The following OGN variants were observed in gnomAD, a reference collection of about 807,000 sequenced individuals.
OGN encodes osteoglycin.
In OGN, 19 loss-of-function variants were observed where a neutral mutation model predicts 30.8. The observed-to-expected ratio is 0.62, with a 90% CI of 0.43 to 0.90. OGN has a LOEUF of 0.90. Ranked by LOEUF, OGN falls within the 40% of genes least tolerant of loss-of-function variation. The probability of loss-of-function intolerance (pLI) is 0.00; values close to 1 mark genes in which losing one functional copy is unlikely to be tolerated. For missense variants in OGN, 283 were observed against 349.7 expected, an observed-to-expected ratio of 0.81 and a Z score of 1.52; for synonymous variants, 126 against 128.3, an observed-to-expected ratio of 0.98 and a Z score of 0.12.
At position 92,385,685 on chromosome 9, in the gene OGN, C is replaced by A; in HGVS notation, c.832G>T (p.Val278Phe). 1 of 1,614,070 alleles carries A rather than the reference C, an allele frequency of 6.2e-7. No individual in the cohort carries two copies. Among genetic ancestry groups the A allele is most frequent in the Non-Finnish European group, 8.5e-7 (1 of 1,179,976 alleles). ...AAACTGTTTGGATGCTTTCCCAGGA[C>A]GATTGGATTGCCCTCCAGGCGTATC... ...EEIRLEGNPI[V>F]LGKHPNSFIC... The change falls in exon 7 of 7, where the codon GTC (valine) becomes TTC (phenylalanine). Residue 278 changes from valine (V) to phenylalanine (F), a missense_variant. Transcript: ENST00000375561.
At chr9:92,391,774 A>G (rs1340439191) in intron 4 of OGN, among the ~76,000 whole-genome samples, 2 of 152,232 alleles carry the variant, frequency 1.3e-5, no homozygotes, top group African/African-American at 4.8e-5. Context: ...GGGAATGTGC[A>G]TGTCAAGTAA....
chr9:92,396,667 C>T (rs866082897), intron 3 of OGN, among the ~76,000 whole-genome samples: 2 of 151,412 alleles, frequency 1.3e-5, no homozygotes, highest in African/African-American at 2.4e-5. Flanking sequence ...TGGGCTCAAG[C>T]GATCCTCCTG....
At chr9:92,403,196 G>C in intron 2 of OGN, 38 bp downstream of exon 2, 1 of 1,390,324 alleles carries the variant, frequency 7.2e-7, no homozygotes, top group Non-Finnish European at 9.9e-7. Flanking sequence ...TAAATGGGCA[G>C]TATTTTAGAA....
rs1564292817 is a variant in OGN at position 92,390,071 on chromosome 9, A to T, written c.428-15T>A. 6.9e-7 allele frequency: 1 copy of T among 1,455,548 alleles called. No individual in the cohort carries two copies. The allele number at this position is 1,455,548 out of a possible 1,614,324, so 90.2% of individuals were successfully genotyped here. A position where few individuals can be genotyped will look rare whatever the true frequency, so the allele number is the denominator to read the frequency against. ...TCTTAAGTTAGCTAGAGGGAAAAAA[A>T]TATAAAAAACAACTACGTAAGTAAA... On this transcript the variant is annotated splice_polypyrimidine_tract_variant and intron_variant, in intron 4 of 6. Transcript: ENST00000375561.
At chr9:92,386,441 G>A (rs191790003) in intron 5 of OGN, 145 bp from the exon 6 acceptor site, 263 of 583,106 alleles carry the variant, frequency 4.5e-4, no homozygotes, top group African/African-American at 4.3e-3. Flanking sequence ...TCAATTGTTC[G>A]TATGGTAGTT....
chr9:92,385,740 G>A lies in OGN; in HGVS notation c.777C>T (p.Asp259=), dbSNP rs1842392385. 1 of 1,614,092 alleles carries A rather than the reference G, an allele frequency of 6.2e-7. No homozygotes were observed. The highest frequency in any genetic ancestry group is 8.5e-7 in the Non-Finnish European group (1 of 1,179,996). ...ITDDTFCKAN[D]TSYIRDRIEE... is the part of the protein sequence containing the mutation. ...CAATGCGGTCCCGGATGTAACTGGT[G>A]TCATTAGCCTTGCAGAATGTGTCAT... The change falls in exon 7 of 7, where the codon GAC becomes GAT. Residue 259 remains aspartate, a synonymous_variant. Transcript: ENST00000375561.
intron 2 of OGN, among the ~76,000 whole-genome samples, chr9:92,402,147 A>G (rs780391007): frequency 1.8e-4 from 27 of 152,242 alleles, no homozygotes; most frequent in Non-Finnish European, 3.1e-4. Flanking sequence ...AATAGATTCA[A>G]ATCATCCAAG....
In OGN at chr9:92,403,313, T is replaced by A; in HGVS notation, c.95A>T (p.Asp32Val). 6.2e-7 allele frequency: 1 copy of A among 1,612,822 alleles called. No homozygotes were observed. Residue 32 changes from aspartate to valine, a missense_variant, in exon 2 of 7, where the codon GAT becomes GTT. Asp to Val is a radical substitution (Grantham distance 152, BLOSUM62 -3). Transcript: ENST00000375561. Reference protein sequence around the residue: ...PTQQDSRIIYDYGTDNFEESI... With the variant: ...PTQQDSRIIYVYGTDNFEESI... The stretch of plus-strand genomic sequence containing the variant: ...TTCTTCAAAATTATCTGTTCCATAA[T>A]CATAGATAATGCGTGAGTCCTGCTG...
At chr9:92,387,053 G>GAAAAAAA (rs903436031) in intron 5 of OGN, among the ~76,000 whole-genome samples, 11 of 50,108 alleles carry the variant, frequency 2.2e-4, no homozygotes, top group South Asian at 6.9e-4. Flanking sequence ...GTCTCAAAAA[G>GAAAAAAA]AAAAAAAAAA....
chr9:92,393,312 A>C (rs1035590337), intron 3 of OGN, 68 bp from the exon 4 acceptor site: 1 of 1,203,654 alleles, frequency 8.3e-7, no homozygotes, highest in Non-Finnish European at 1.2e-6. Flanking sequence ...TAGTAGTAAA[A>C]TTATTGCTAT....
In OGN at chr9:92,384,273, A is replaced by G. The variant is rs1842341900; in HGVS notation, c.*1347T>C. On this transcript the variant is annotated 3_prime_UTR_variant, in exon 7 of 7. Coordinates refer to ENST00000375561, the MANE Select transcript of OGN (RefSeq NM_014057.5). The stretch of plus-strand genomic sequence containing the variant: ...GGTCAACTTTGACAAATGGGGAGAT[A>G]ACTGAAAAACATCTGACATTCTAGG... The G allele has an allele frequency of 6.6e-6, 1 of 152,200 alleles. No individual in the cohort carries two copies. Among genetic ancestry groups the G allele is most frequent in the South Asian group, 2.1e-4 (1 of 4,834 alleles). The allele number at this position is 152,200 out of a possible 1,614,324, so 9.4% of individuals were successfully genotyped here. A position where few individuals can be genotyped will look rare whatever the true frequency, so the allele number is the denominator to read the frequency against.
In OGN at chr9:92,393,192, T is replaced by A. The variant is rs1382756723; in HGVS notation, c.321A>T (p.Glu107Asp). 2 of 1,613,742 alleles carry A rather than the reference T, an allele frequency of 1.2e-6. No homozygotes were observed. The highest frequency in any genetic ancestry group is 1.3e-5 in the African/African-American group (1 of 74,910). Reference protein sequence around the residue: ...CVCLSGSVYCEEVDIDAVPPL... With the variant: ...CVCLSGSVYCDEVDIDAVPPL... ...GTGGTACAGCATCAATGTCAACTTC[T>A]TCACAGTATACAGAGCCACTTAAAC... Residue 107 changes from glutamate (E) to aspartate (D), a missense_variant, in exon 4 of 7, where the codon GAA (glutamate) becomes GAT (aspartate). Physicochemically the swap from Glu to Asp is conservative, Grantham distance 45. Transcript: ENST00000375561.
At chr9:92,391,322 G>T (rs1024303150) in intron 4 of OGN, among the ~76,000 whole-genome samples, 9 of 152,142 alleles carry the variant, frequency 5.9e-5, no homozygotes, top group South Asian at 4.2e-4. Context: ...CAGGAGAATG[G>T]CATGAACCTG....
chr9:92,393,852 G>A lies in OGN; in HGVS notation c.269-608C>T, dbSNP rs13294520. Among the ~76,000 whole-genome samples, 1,422 of 152,074 alleles carry A rather than the reference G, an allele frequency of 9.4e-3. 13 individuals carry two copies. The highest frequency in any genetic ancestry group is 0.017 in the Middle Eastern group (5 of 294). ...TGCAGAATGCCTTTCAGTTGGCAGAGGTTTCTCATTTTTGGCAGGAGTACC... is the reference window on the plus strand; with the variant it reads ...TGCAGAATGCCTTTCAGTTGGCAGAAGTTTCTCATTTTTGGCAGGAGTACC... On this transcript the variant is annotated intron_variant, in intron 3 of 6. Coordinates refer to ENST00000375561, the MANE Select transcript of OGN (RefSeq NM_014057.5).
At chr9:92,388,487 A>G (rs1015303368) in intron 5 of OGN, among the ~76,000 whole-genome samples, 3 of 151,900 alleles carry the variant, frequency 2.0e-5, no homozygotes, top group East Asian at 1.9e-4. Flanking sequence ...GGTCTTTAAC[A>G]TGTCTGTTAT....
Position 92,400,418 on chromosome 9 carries a change from G to A in OGN, c.268+674C>T, listed in dbSNP as rs987346072. On this transcript the variant is annotated intron_variant, in intron 3 of 6. Transcript: ENST00000375561. The stretch of plus-strand genomic sequence containing the variant: ...CCCGCCTCAGCCTCCCAAAGTACTG[G>A]GATTACAGGCGTGAGCCACCACGCC... 2.6e-5 allele frequency among the ~76,000 whole-genome samples: 4 copies of A among 152,170 alleles called. No homozygotes were observed. The South Asian group carries it at 8.3e-4, about 32-fold the overall frequency.
intron 3 of OGN, among the ~76,000 whole-genome samples, chr9:92,398,929 G>A (rs577005364): frequency 1.3e-5 from 2 of 152,158 alleles, no homozygotes; most frequent in South Asian, 4.1e-4. Context: ...TGGCGTGGTG[G>A]CGCGTGCCTG....
intron 3 of OGN, among the ~76,000 whole-genome samples, chr9:92,394,252 C>G (rs190062463): frequency 6.6e-6 from 1 of 151,846 alleles, no homozygotes; most frequent in Non-Finnish European, 1.5e-5. Context: ...TATTTACTTA[C>G]TTATTTTTGA....
At chr9:92,395,026 T>C (rs1180864961) in intron 3 of OGN, among the ~76,000 whole-genome samples, 1 of 152,200 alleles carries the variant, frequency 6.6e-6, no homozygotes, top group Non-Finnish European at 1.5e-5. Context: ...AGCTTTTTTT[T>C]CCTGCTACAG....
Sources: gnomAD v4.1 joint callset for allele counts (sites outside exome capture counted in the v4.1 genomes callset) on GRCh38, gnomAD v4.1.1 for gene constraint, MANE v1.5 for transcripts, NCBI Gene and HGNC (gene_info 2026-07-23, HGNC 2026-07-21) for gene names.